Variants in HVCN1 observed in about 807,000 individuals in gnomAD.
HVCN1 encodes hydrogen voltage gated channel 1, also known as voltage-gated hydrogen channel 1.
A neutral mutation model predicts 29.2 loss-of-function variants in HVCN1; 14 were observed. The ratio of observed to expected loss-of-function variants is 0.48; its 90% confidence interval spans 0.32 to 0.75. The LOEUF is 0.75. HVCN1 is among the 30% of genes least tolerant of loss of function. HVCN1 has a pLI of 0.04. For missense variants in HVCN1, 263 were observed against 341.8 expected, an observed-to-expected ratio of 0.77 and a Z score of 1.82; for synonymous variants, 131 against 133.2, an observed-to-expected ratio of 0.98 and a Z score of 0.11.
intron 4 of HVCN1, among the ~76,000 whole-genome samples, chr12:110,660,459 T>C (rs1327636612): frequency 6.6e-6 from 1 of 152,244 alleles, no homozygotes; most frequent in African/African-American, 2.4e-5. Flanking sequence ...CCCAGCGTGA[T>C]GGGTCTCCAT....
At chr12:110,668,309 C>G (rs1349600731) in intron 3 of HVCN1, among the ~76,000 whole-genome samples, 2 of 152,128 alleles carry the variant, frequency 1.3e-5, no homozygotes, top group Non-Finnish European at 2.9e-5. Context: ...TGAGACCAGC[C>G]TGACCAACAT....
At chr12:110,686,193 C>T (rs376769128) in intron 2 of HVCN1, among the ~76,000 whole-genome samples, 4 of 151,008 alleles carry the variant, frequency 2.6e-5, no homozygotes, top group South Asian at 2.1e-4. Context: ...TTAGTAGAGA[C>T]GGGGTTTTGC....
intron 3 of HVCN1, among the ~76,000 whole-genome samples, chr12:110,678,505 C>T (rs2068832054): frequency 8.0e-6 from 1 of 125,602 alleles, no homozygotes. Flanking sequence ...GGCTGGAGGG[C>T]AGTGGCATGA....
chr12:110,650,745 A>C (rs1298248866), intron 6 of HVCN1, among the ~76,000 whole-genome samples: 1 of 148,514 alleles, frequency 6.7e-6, no homozygotes, highest in Non-Finnish European at 1.5e-5. Context: ...CCCAGGCTAG[A>C]GTGCAGTGCA....
chr12:110,685,254 G>C (rs1361067820), intron 2 of HVCN1, among the ~76,000 whole-genome samples: 2 of 152,170 alleles, frequency 1.3e-5, no homozygotes, highest in African/African-American at 4.8e-5. Context: ...TGAAGATTCA[G>C]TGCTTTAAAG....
intron 2 of HVCN1, among the ~76,000 whole-genome samples, chr12:110,687,264 C>CG (rs896154173): frequency 2.0e-5 from 3 of 149,574 alleles, no homozygotes; most frequent in African/African-American, 7.4e-5. Flanking sequence ...CACACCCCCC[C>CG]CCCCCAGCTA....
At position 110,661,877 on chromosome 12, in the gene HVCN1, C is replaced by T. The variant is rs561995739; in HGVS notation, c.22-429G>A. 3.3e-5 allele frequency among the ~76,000 whole-genome samples: 5 copies of T among 152,214 alleles called. No homozygotes were observed. The highest frequency in any genetic ancestry group is 2.1e-4 in the South Asian group (1 of 4,816). The stretch of plus-strand genomic sequence containing the variant: ...TACCCAGAGTTTCATAGAAAAGTCA[C>T]GAGATCCCCACCCATCACGCCACAC... On this transcript the variant is annotated intron_variant, in intron 3 of 7. Coordinates refer to ENST00000242607, the MANE Select transcript of HVCN1 (RefSeq NM_032369.4). The surrounding 1 kb of genome is among the most constrained non-coding windows in gnomAD (Gnocchi z 6.2).
At chr12:110,664,600 G>A (rs1295775608) in intron 3 of HVCN1, among the ~76,000 whole-genome samples, 1 of 152,152 alleles carries the variant, frequency 6.6e-6, no homozygotes, top group Non-Finnish European at 1.5e-5. Flanking sequence ...TGATCCCTTA[G>A]AGAAGAAAAA....
intron 3 of HVCN1, among the ~76,000 whole-genome samples, chr12:110,662,013 C>G (rs1440886360): frequency 6.6e-6 from 1 of 152,230 alleles, no homozygotes; most frequent in Non-Finnish European, 1.5e-5. Context: ...CTCCACTTTA[C>G]CCAACTTGCC....
In HVCN1 at chr12:110,648,941, C is replaced by A; in HGVS notation, c.*469G>T. The A allele has an allele frequency of 2.3e-6, 1 of 426,948 alleles. No individual in the cohort carries two copies. Among genetic ancestry groups the A allele is most frequent in the Non-Finnish European group, 4.5e-6 (1 of 220,920 alleles). The allele number at this position is 426,948 out of a possible 1,614,324, so 26.4% of individuals were successfully genotyped here. Reference sequence around the variant, plus strand: ...ACACAGAGGAGGGGCCTGGGTACCCCTTTTGGGGAAACTGAGACGAAGCTA... The same window carrying A: ...ACACAGAGGAGGGGCCTGGGTACCCATTTTGGGGAAACTGAGACGAAGCTA... On this transcript the variant is annotated 3_prime_UTR_variant, in exon 8 of 8. Coordinates refer to ENST00000242607, the MANE Select transcript of HVCN1 (RefSeq NM_032369.4).
chr12:110,660,998 C>G (rs372143712), intron 4 of HVCN1, among the ~76,000 whole-genome samples, 166 bp downstream of exon 4: 1 of 152,242 alleles, frequency 6.6e-6, no homozygotes, highest in Admixed American at 6.5e-5. Flanking sequence ...ATCTGCCTAC[C>G]GCATTCCCAG....
At chr12:110,681,492 T>C (rs191653456) in intron 3 of HVCN1, among the ~76,000 whole-genome samples, 1 of 152,342 alleles carries the variant, frequency 6.6e-6, no homozygotes, top group Non-Finnish European at 1.5e-5. Flanking sequence ...CCGAATGTTC[T>C]TTTTGGTTTG....
intron 2 of HVCN1, among the ~76,000 whole-genome samples, chr12:110,684,516 G>A (rs934418558): frequency 2.6e-5 from 4 of 152,144 alleles, no homozygotes; most frequent in South Asian, 2.1e-4. Context: ...GTGGAAAGAC[G>A]CCAGCCACAG....
intron 5 of HVCN1, among the ~76,000 whole-genome samples, chr12:110,654,742 A>G (rs1156485056): frequency 6.6e-6 from 1 of 152,156 alleles, no homozygotes; most frequent in Non-Finnish European, 1.5e-5. Context: ...GTCCTCCCAA[A>G]GTGCAGAGAC....
At position 110,659,744 on chromosome 12, in the gene HVCN1, T is replaced by A. The variant is rs1182423627; in HGVS notation, c.306+1420A>T. Among the ~76,000 whole-genome samples the A allele has an allele frequency of 2.7e-5, 4 of 150,764 alleles. No homozygotes were observed. The East Asian group carries it at 7.8e-4, about 29-fold the overall frequency. Reference sequence around the variant, plus strand: ...GACCAGCCTGGGCAACATAGCAAGATCCCATCTCTTAAAAAAAAAGCCCTT... The same window carrying A: ...GACCAGCCTGGGCAACATAGCAAGAACCCATCTCTTAAAAAAAAAGCCCTT... On this transcript the variant is annotated intron_variant, in intron 4 of 7. Coordinates refer to ENST00000242607, the MANE Select transcript of HVCN1 (RefSeq NM_032369.4).
intron 3 of HVCN1, among the ~76,000 whole-genome samples, chr12:110,663,172 T>C (rs940589446): frequency 3.3e-5 from 5 of 152,194 alleles, no homozygotes; most frequent in African/African-American, 1.2e-4. Flanking sequence ...GGGAGAAATT[T>C]GGCATGATCT....
At chr12:110,671,487 G>A (rs568880248) in intron 3 of HVCN1, among the ~76,000 whole-genome samples, 1 of 152,248 alleles carries the variant, frequency 6.6e-6, no homozygotes, top group Admixed American at 6.5e-5. Flanking sequence ...AGCCAGTCCT[G>A]CCAACACCTT....
In HVCN1 at chr12:110,699,691, C is replaced by T. The variant is rs1440865433; in HGVS notation, c.-104+2618G>A. Among the ~76,000 whole-genome samples the T allele has an allele frequency of 2.6e-5, 4 of 152,032 alleles. 1 individual carries two copies. The highest frequency in any genetic ancestry group is 2.0e-4 in the Admixed American group (3 of 15,262). On this transcript the variant is annotated intron_variant, in intron 2 of 4. Coordinates refer to the HVCN1 transcript ENST00000546713. ...GATGATAACGGGGAGATAACAGCGCCGCTGCCCCTCCTCTCCTGGCCGTGT... is the reference window on the plus strand; with the variant it reads ...GATGATAACGGGGAGATAACAGCGCTGCTGCCCCTCCTCTCCTGGCCGTGT...
At chr12:110,699,459 G>A (rs1259878190) in intron 2 of HVCN1, among the ~76,000 whole-genome samples, 1 of 151,996 alleles carries the variant, frequency 6.6e-6, no homozygotes, top group East Asian at 1.9e-4. Flanking sequence ...ATTCTATGGG[G>A]GCCCCACTGC....
Sources: allele counts gnomAD v4.1 joint callset (sites outside exome capture counted in the v4.1 genomes callset), GRCh38; gene constraint gnomAD v4.1.1; non-coding constraint Gnocchi (gnomAD v3.1); transcripts MANE v1.5; gene names NCBI Gene and HGNC (gene_info 2026-07-23, HGNC 2026-07-21).